The following LHFPL3 variants were observed in gnomAD, a reference collection of about 807,000 sequenced individuals.
The protein encoded by LHFPL3 is LHFPL tetraspan subfamily member 3 protein.
Under a neutral mutation model 19.3 loss-of-function variants are expected in LHFPL3, and 5 were observed. That is an observed-to-expected ratio of 0.26 (90% CI 0.14 to 0.54). The LOEUF is 0.54. Ranked by LOEUF, LHFPL3 falls within the 20% of genes least tolerant of loss-of-function variation. LHFPL3 has a pLI of 0.94. For missense variants in LHFPL3, 249 were observed against 307.4 expected (o/e 0.81, Z 1.42); for synonymous variants, 133 against 126.2 (o/e 1.05, Z -0.36).
At chr7:104,832,236 A>G (rs1042150694) in intron 2 of LHFPL3, among the ~76,000 whole-genome samples, 1 of 151,976 alleles carries the variant, frequency 6.6e-6, no homozygotes, top group African/African-American at 2.4e-5. Flanking sequence ...GGAAAAATCT[A>G]AAGTTGGTTG....
intron 1 of LHFPL3, among the ~76,000 whole-genome samples, chr7:104,571,751 CA>C (rs1394347946): frequency 3.3e-5 from 5 of 152,166 alleles, no homozygotes; most frequent in Non-Finnish European, 5.9e-5. Context: ...TAGGTATTTG[CA>C]GACAACCAAG....
At chr7:104,423,004 C>T (rs779131831) in intron 1 of LHFPL3, among the ~76,000 whole-genome samples, 5 of 152,112 alleles carry the variant, frequency 3.3e-5, no homozygotes, top group African/African-American at 4.8e-5. Flanking sequence ...GTACTGGGGA[C>T]GCAATGGTGA....
intron 1 of LHFPL3, among the ~76,000 whole-genome samples, chr7:104,650,736 C>G (rs926527284): frequency 6.6e-6 from 1 of 152,142 alleles, no homozygotes; most frequent in Non-Finnish European, 1.5e-5. Flanking sequence ...GTAGACAATA[C>G]ACAGTACATG....
At chr7:104,504,017 C>T (rs1354979245) in intron 1 of LHFPL3, among the ~76,000 whole-genome samples, 1 of 152,204 alleles carries the variant, frequency 6.6e-6, no homozygotes, top group Non-Finnish European at 1.5e-5. Flanking sequence ...GCAATCCATT[C>T]TGTACTAGAG....
intron 1 of LHFPL3, among the ~76,000 whole-genome samples, chr7:104,415,020 C>T (rs763659585): frequency 3.2e-4 from 48 of 152,194 alleles, no homozygotes; most frequent in Non-Finnish European, 6.2e-4. Context: ...CTCTGATTAG[C>T]ATATAATTGA....
At chr7:104,759,054 C>T (rs57977732) in intron 2 of LHFPL3, among the ~76,000 whole-genome samples, 2,129 of 152,270 alleles carry the variant, frequency 0.014, 29 homozygotes, top group East Asian at 0.056. Flanking sequence ...TTTTAAGTCA[C>T]GCCGAGGACA....
intron 2 of LHFPL3, among the ~76,000 whole-genome samples, chr7:104,823,376 G>C (rs564660509): frequency 2.0e-5 from 3 of 152,126 alleles, no homozygotes; most frequent in Non-Finnish European, 2.9e-5. Context: ...AAATGAGAGG[G>C]CTGGACCAGG....
rs141311807 is a variant in LHFPL3 at position 104,351,280 on chromosome 7, G to C, written c.445+22056G>C. On this transcript the variant is annotated intron_variant, in intron 1 of 2. Transcript: ENST00000424859. ...TTATCTATTTAGGCTTCTTCACCTT[G>C]AGTCTGATGTCACCTTTCTTCCCTG... 3.5e-3 allele frequency among the ~76,000 whole-genome samples: 528 copies of C among 152,228 alleles called. 4 individuals are homozygous for C. The highest frequency in any genetic ancestry group is 0.012 in the African/African-American group (492 of 41,534).
At chr7:104,822,210 T>C (rs1238168467) in intron 2 of LHFPL3, among the ~76,000 whole-genome samples, 1 of 152,212 alleles carries the variant, frequency 6.6e-6, no homozygotes, top group Non-Finnish European at 1.5e-5. Context: ...TGGAAGGGTC[T>C]TTCTCAAAGG....
chr7:104,905,898 G>A (rs774247589), intron 2 of LHFPL3, among the ~76,000 whole-genome samples: 7 of 152,168 alleles, frequency 4.6e-5, no homozygotes, highest in Non-Finnish European at 1.0e-4. Context: ...AGTGATACTT[G>A]GGAACAGTCC....
chr7:104,530,663 A>G (rs2115842763), intron 1 of LHFPL3, among the ~76,000 whole-genome samples: 1 of 152,332 alleles, frequency 6.6e-6, no homozygotes, highest in East Asian at 1.9e-4. Context: ...ACAGATGACA[A>G]CTGCAACATA....
At chr7:104,554,588 T>TA (rs1449605069) in intron 1 of LHFPL3, among the ~76,000 whole-genome samples, 3 of 152,114 alleles carry the variant, frequency 2.0e-5, no homozygotes, top group Non-Finnish European at 4.4e-5. Flanking sequence ...TTGGAAAGTA[T>TA]ATTAGTCAGA....
At chr7:104,814,169 T>C (rs968596118) in intron 2 of LHFPL3, among the ~76,000 whole-genome samples, 2 of 151,974 alleles carry the variant, frequency 1.3e-5, no homozygotes, top group Non-Finnish European at 2.9e-5. Flanking sequence ...AGAGGGTAGC[T>C]CCTCTCTGCT....
intron 1 of LHFPL3, among the ~76,000 whole-genome samples, chr7:104,342,836 T>G (rs968843733): frequency 6.6e-6 from 1 of 152,212 alleles, no homozygotes; most frequent in Non-Finnish European, 1.5e-5. Flanking sequence ...ACTGTACTGA[T>G]AGTGCAATTT....
chr7:104,800,672 T>C (rs1324300938), intron 2 of LHFPL3, among the ~76,000 whole-genome samples: 1 of 152,124 alleles, frequency 6.6e-6, no homozygotes, highest in African/African-American at 2.4e-5. Context: ...CCTCCTACCA[T>C]CATCTACCCA....
At chr7:104,437,159 G>A (rs1792124747) in intron 1 of LHFPL3, among the ~76,000 whole-genome samples, 1 of 152,202 alleles carries the variant, frequency 6.6e-6, no homozygotes, top group Admixed American at 6.5e-5. Context: ...ACATCTGTAA[G>A]TTAAAAAACT....
chr7:104,655,593 T>A (rs1250955090), intron 1 of LHFPL3, among the ~76,000 whole-genome samples: 1 of 152,230 alleles, frequency 6.6e-6, no homozygotes, highest in Non-Finnish European at 1.5e-5. Flanking sequence ...ATGTATTTCT[T>A]GTATCGGATT....
rs185795884 is a variant in LHFPL3 at position 104,462,577 on chromosome 7, G to A, written c.445+133353G>A. Among the ~76,000 whole-genome samples the A allele has an allele frequency of 1.7e-3, 256 of 152,230 alleles. 1 individual carries two copies. The highest frequency in any genetic ancestry group is 5.8e-3 in the African/African-American group (241 of 41,532). On this transcript the variant is annotated intron_variant, in intron 1 of 2. Transcript: ENST00000424859. ...TTATGTTGAACCAACCTTGTATCCC[G>A]GGAATGAAGCCTATTTGATCATGGT... is the stretch of plus-strand genomic sequence containing the variant.
At chr7:104,597,802 A>G (rs1257534891) in intron 1 of LHFPL3, among the ~76,000 whole-genome samples, 3 of 152,196 alleles carry the variant, frequency 2.0e-5, no homozygotes, top group East Asian at 1.9e-4. Flanking sequence ...GAAAATGTGA[A>G]TTATGAAAAA....
Sources: gnomAD v4.1 joint callset for allele counts (sites outside exome capture counted in the v4.1 genomes callset) on GRCh38, gnomAD v4.1.1 for gene constraint, MANE v1.5 for transcripts, NCBI Gene and HGNC (gene_info 2026-07-23, HGNC 2026-07-21) for gene names.